Variants in BMPR1B observed in about 807,000 individuals in gnomAD.
BMPR1B encodes the protein bone morphogenetic protein receptor type-1B.
A neutral mutation model predicts 59.1 loss-of-function variants in BMPR1B; 12 were observed. The ratio of observed to expected loss-of-function variants is 0.20; its 90% CI spans 0.13 to 0.33. The LOEUF (loss-of-function observed/expected upper bound fraction) is 0.33, where lower values mean the gene tolerates loss of function less well. BMPR1B is among the 10% of genes least tolerant of loss of function. BMPR1B has a pLI of 1.00. For synonymous variants in BMPR1B, 237 were observed against 207.3 expected, an observed-to-expected ratio of 1.14 and a Z score of -1.23; for missense variants, 550 against 610.9, an observed-to-expected ratio of 0.90 and a Z score of 1.05.
chr4:95,122,718 A>C (rs1732617946), intron 6 of BMPR1B, among the ~76,000 whole-genome samples: 1 of 152,094 alleles, frequency 6.6e-6, no homozygotes, highest in Non-Finnish European at 1.5e-5. Flanking sequence ...TCTTCATGTA[A>C]CATATAATAC....
At chr4:94,975,061 A>G (rs982109097) in intron 2 of BMPR1B, among the ~76,000 whole-genome samples, 1 of 152,198 alleles carries the variant, frequency 6.6e-6, no homozygotes, top group Non-Finnish European at 1.5e-5. Context: ...CGAAACTTCC[A>G]GTTTGTTATT....
intron 2 of BMPR1B, among the ~76,000 whole-genome samples, chr4:94,935,375 G>C (rs1229870511): frequency 6.6e-6 from 1 of 152,150 alleles, no homozygotes; most frequent in Admixed American, 6.5e-5. Flanking sequence ...GAACTTGGAA[G>C]CACTCATTAG....
chr4:94,946,313 A>G (rs538915018), intron 2 of BMPR1B, among the ~76,000 whole-genome samples: 28 of 152,170 alleles, frequency 1.8e-4, no homozygotes, highest in Non-Finnish European at 8.8e-5. Flanking sequence ...TTAATTTCTC[A>G]TTAAATAAGG....
At chr4:94,988,916 T>C (rs1341215803) in intron 2 of BMPR1B, among the ~76,000 whole-genome samples, 1 of 152,014 alleles carries the variant, frequency 6.6e-6, no homozygotes, top group Admixed American at 6.6e-5. Flanking sequence ...ACGAGGCACA[T>C]CCTAGAGTCA....
intron 10 of BMPR1B, among the ~76,000 whole-genome samples, chr4:95,135,085 G>A (rs931382636): frequency 2.6e-5 from 4 of 152,184 alleles, no homozygotes; most frequent in Non-Finnish European, 5.9e-5. Context: ...CATATGGCTA[G>A]CCAGTTTTCC....
At chr4:95,071,452 T>G (rs1728266355) in intron 3 of BMPR1B, among the ~76,000 whole-genome samples, 1 of 151,976 alleles carries the variant, frequency 6.6e-6, no homozygotes, top group South Asian at 2.1e-4. Context: ...AATCTTTGAC[T>G]TATTTGAATG....
intron 1 of BMPR1B, among the ~76,000 whole-genome samples, chr4:94,818,615 A>T (rs752524423): frequency 9.9e-5 from 15 of 152,240 alleles, no homozygotes; most frequent in Non-Finnish European, 2.2e-4. Flanking sequence ...GAAATTCTAC[A>T]GATTTTATTT....
At chr4:94,825,217 G>T (rs1366399753) in intron 1 of BMPR1B, among the ~76,000 whole-genome samples, 1 of 152,078 alleles carries the variant, frequency 6.6e-6, no homozygotes, top group Non-Finnish European at 1.5e-5. Context: ...TATAAGAATA[G>T]TACTACTGGG....
chr4:94,933,953 C>T (rs1024519915), intron 2 of BMPR1B, among the ~76,000 whole-genome samples: 1 of 152,134 alleles, frequency 6.6e-6, no homozygotes, highest in African/African-American at 2.4e-5. Flanking sequence ...CGTTGTATGA[C>T]AGTCAACAAA....
intron 3 of BMPR1B, among the ~76,000 whole-genome samples, chr4:95,095,991 G>A (rs1730343644): frequency 6.6e-6 from 1 of 151,324 alleles, no homozygotes; most frequent in African/African-American, 2.4e-5. Context: ...TTGTAACATT[G>A]TACTCTTGAT....
chr4:94,769,485 C>G (rs1032046893), intron 1 of BMPR1B, among the ~76,000 whole-genome samples: 1 of 152,138 alleles, frequency 6.6e-6, no homozygotes, highest in Non-Finnish European at 1.5e-5. Context: ...TGGCACATGC[C>G]TGTAATGCCA....
intron 1 of BMPR1B, among the ~76,000 whole-genome samples, chr4:94,800,823 A>T (rs1485498587): frequency 6.6e-6 from 1 of 152,218 alleles, no homozygotes; most frequent in East Asian, 1.9e-4. Context: ...ACTGTCCTCA[A>T]GGAACTTTTG....
intron 1 of BMPR1B, among the ~76,000 whole-genome samples, chr4:94,767,065 A>T (rs1429624141): frequency 1.3e-5 from 2 of 152,164 alleles, no homozygotes. Context: ...GAGTCATTCC[A>T]GTCTTCTAGC....
intron 2 of BMPR1B, among the ~76,000 whole-genome samples, chr4:94,970,763 C>T (rs763109499): frequency 6.6e-6 from 1 of 152,120 alleles, no homozygotes; most frequent in Non-Finnish European, 1.5e-5. Context: ...TCACCTGAAA[C>T]ACCTATCATT....
Position 95,154,847 on chromosome 4 carries a change from T to C in BMPR1B, c.*174T>C. 1.2e-6 allele frequency: 1 copy of C among 824,988 alleles called. No homozygotes were observed. Among genetic ancestry groups the C allele is most frequent in the South Asian group, 1.6e-5 (1 of 60,798 alleles). 51.1% of individuals were successfully genotyped at this position (824,988 alleles called of 1,614,324 possible). A position where few individuals can be genotyped will look rare whatever the true frequency, so the allele number is the denominator to read the frequency against. ...GCGACCTGGGCAAAGACAGAGAAGCTCCCAGAAGGAGAGATTGATCCATGT... is the reference window on the plus strand; with the variant it reads ...GCGACCTGGGCAAAGACAGAGAAGCCCCCAGAAGGAGAGATTGATCCATGT... On this transcript the variant is annotated 3_prime_UTR_variant, in exon 13 of 13. Transcript: ENST00000515059.
intron 3 of BMPR1B, among the ~76,000 whole-genome samples, chr4:95,091,068 C>A (rs976390413): frequency 6.6e-6 from 1 of 151,900 alleles, no homozygotes; most frequent in Non-Finnish European, 1.5e-5. Context: ...TAAGACATTG[C>A]ATATTGAAAT....
chr4:94,939,008 C>G (rs1430402659), intron 2 of BMPR1B, among the ~76,000 whole-genome samples: 1 of 152,114 alleles, frequency 6.6e-6, no homozygotes, highest in Non-Finnish European at 1.5e-5. Flanking sequence ...GAGACCCTGT[C>G]TCTTTAAAAA....
At chr4:95,143,970 T>G (rs1227817122) in intron 10 of BMPR1B, among the ~76,000 whole-genome samples, 8 of 152,090 alleles carry the variant, frequency 5.3e-5, no homozygotes, top group Non-Finnish European at 1.2e-4. Context: ...AGATAGTACA[T>G]AAAATTTAGT....
intron 2 of BMPR1B, among the ~76,000 whole-genome samples, chr4:94,948,521 C>T (rs1018523247): frequency 9.2e-5 from 14 of 152,108 alleles, no homozygotes; most frequent in Non-Finnish European, 1.6e-4. Flanking sequence ...TAATCCACCT[C>T]ATTTGTATAA....
Sources: allele counts gnomAD v4.1 joint callset (sites outside exome capture counted in the v4.1 genomes callset), GRCh38; gene constraint gnomAD v4.1.1; transcripts MANE v1.5; gene names NCBI Gene and HGNC (gene_info 2026-07-23, HGNC 2026-07-21).